Variants in RASAL2 observed in about 807,000 individuals in gnomAD.
RASAL2 encodes ras GTPase-activating protein nGAP.
RASAL2 carries 58 observed loss-of-function variants against 128.9 expected under a neutral mutation model. The observed-to-expected ratio is 0.45, with a 90% CI of 0.36 to 0.56. The LOEUF is 0.56. Among genes scored for constraint, RASAL2 ranks in the 20% least tolerant of loss-of-function variants. The pLI is 0.00. For missense variants in RASAL2, 1,360 were observed against 1,601.6 expected, an observed-to-expected ratio of 0.85 and a Z score of 2.57; for synonymous variants, 561 against 580.8, an observed-to-expected ratio of 0.97 and a Z score of 0.49.
At chr1:178,257,423 ATGTGTGTG>A (rs71108037) in intron 1 of RASAL2, among the ~76,000 whole-genome samples, 9 of 147,150 alleles carry the variant, frequency 6.1e-5, no homozygotes, top group African/African-American at 1.5e-4. Flanking sequence ...GCTCAGGGAT[ATGTGTGTG>A]TGTGTGTGTG....
At chr1:178,433,261 A>G (rs1676041150) in intron 5 of RASAL2, among the ~76,000 whole-genome samples, 1 of 152,086 alleles carries the variant, frequency 6.6e-6, no homozygotes, top group Non-Finnish European at 1.5e-5. Flanking sequence ...CCCCATGAAG[A>G]TGGTTACAAC....
intron 3 of RASAL2, among the ~76,000 whole-genome samples, chr1:178,357,779 T>G (rs549777849): frequency 6.6e-6 from 1 of 152,322 alleles, no homozygotes; most frequent in African/African-American, 2.4e-5. Context: ...TTGAACTTTT[T>G]CCATGTAAAT....
intron 1 of RASAL2, among the ~76,000 whole-genome samples, chr1:178,119,822 A>C (rs1277676192): frequency 6.6e-6 from 1 of 152,174 alleles, no homozygotes; most frequent in East Asian, 1.9e-4. Flanking sequence ...ATTGTGCCTC[A>C]GGATCCTCTG....
rs575274325 is a variant in RASAL2, at chr1:178,306,250, G to C, written c.457+6132G>C. Among the ~76,000 whole-genome samples the C allele has an allele frequency of 6.6e-3, 1,002 of 152,230 alleles. 5 individuals are homozygous for C. The highest frequency in any genetic ancestry group is 0.01 in the Non-Finnish European group (706 of 68,014). On this transcript the variant is annotated intron_variant, in intron 3 of 17. Transcript: ENST00000367649. ...ACTTATCATTTTTTATGGCTGCATA[G>C]TATTCCATGGTGTATATGTGCCACA... is the stretch of plus-strand genomic sequence containing the variant.
chr1:178,169,320 G>A (rs914618862), intron 1 of RASAL2, among the ~76,000 whole-genome samples: 2 of 152,022 alleles, frequency 1.3e-5, no homozygotes, highest in Non-Finnish European at 2.9e-5. Context: ...GATCTTTGGC[G>A]ACACTTCGTA....
intron 3 of RASAL2, among the ~76,000 whole-genome samples, chr1:178,376,001 AAG>A (rs1450715230): frequency 2.0e-5 from 3 of 152,126 alleles, no homozygotes; most frequent in Non-Finnish European, 2.9e-5. Context: ...GTCAAGAAAA[AAG>A]AGAGGGCAGC....
chr1:178,456,560 T>C lies in RASAL2; in HGVS notation c.2212-161T>C, dbSNP rs1353740586. The C allele has an allele frequency of 9.3e-6, 7 of 754,506 alleles. No homozygotes were observed. The Admixed American group carries it at 1.3e-4, about 14-fold the overall frequency. 46.7% of individuals were successfully genotyped at this position (754,506 alleles called of 1,614,324 possible). ...CATCTCGACGCCATGGTTCTGCTGCTCCATAACAATGCATTATGAACCTGC... is the reference window on the plus strand; with the variant it reads ...CATCTCGACGCCATGGTTCTGCTGCCCCATAACAATGCATTATGAACCTGC... On this transcript the variant is annotated intron_variant, in intron 12 of 17. Transcript: ENST00000367649.
At chr1:178,240,002 T>C (rs1435014540) in intron 1 of RASAL2, among the ~76,000 whole-genome samples, 1 of 152,082 alleles carries the variant, frequency 6.6e-6, no homozygotes, top group Non-Finnish European at 1.5e-5. Context: ...TCCCTTAGCC[T>C]ATAATAAAAC....
chr1:178,431,361 TAAAG>T (rs1314493076), intron 5 of RASAL2, among the ~76,000 whole-genome samples: 2 of 152,016 alleles, frequency 1.3e-5, no homozygotes, highest in African/African-American at 4.8e-5. Context: ...ATCTCATAAT[TAAAG>T]AAATGCACAC....
intron 1 of RASAL2, among the ~76,000 whole-genome samples, chr1:178,225,792 A>G (rs925357736): frequency 2.6e-5 from 4 of 151,882 alleles, no homozygotes; most frequent in Admixed American, 2.6e-4. Context: ...TCCTGTATAT[A>G]TGTATATGCT....
Position 178,445,554 on chromosome 1 carries a change from C to T in RASAL2, c.1519C>T (p.Arg507Cys), listed in dbSNP as rs772116589. 2 of 1,613,552 alleles carry T rather than the reference C, an allele frequency of 1.2e-6. No homozygotes were observed. Among genetic ancestry groups the T allele is most frequent in the Admixed American group, 1.7e-5 (1 of 59,972 alleles). The change falls in exon 9 of 18, where the codon CGT (arginine) becomes TGT (cysteine). Residue 507 changes from arginine (R) to cysteine (C), a missense_variant. Coordinates refer to ENST00000367649, the MANE Select transcript of RASAL2 (RefSeq NM_170692.4). The stretch of plus-strand genomic sequence containing the variant: ...TGACTTGGTGATGTCTGAGGTGGAT[C>T]GTTGTGGAGAGCATGATGTCTTGAT... ...LTDLVMSEVD[R>C]CGEHDVLIFR...
At chr1:178,188,997 A>C (rs994337075) in intron 1 of RASAL2, among the ~76,000 whole-genome samples, 1 of 152,184 alleles carries the variant, frequency 6.6e-6, no homozygotes, top group Non-Finnish European at 1.5e-5. Flanking sequence ...AGAAGCATTC[A>C]AGATAAAGGC....
intron 3 of RASAL2, among the ~76,000 whole-genome samples, chr1:178,336,520 G>A (rs1669592377): frequency 6.6e-6 from 1 of 151,992 alleles, no homozygotes; most frequent in South Asian, 2.1e-4. Context: ...GAGAAAAATG[G>A]ACTAATGCTT....
chr1:178,179,697 G>T (rs975486711), intron 1 of RASAL2, among the ~76,000 whole-genome samples: 16 of 152,154 alleles, frequency 1.1e-4, no homozygotes, highest in Admixed American at 8.5e-4. Flanking sequence ...AGGACACCTA[G>T]TATATAGAAA....
At chr1:178,287,138 C>G (rs1035413320) in intron 2 of RASAL2, among the ~76,000 whole-genome samples, 1 of 151,756 alleles carries the variant, frequency 6.6e-6, no homozygotes, top group Non-Finnish European at 1.5e-5. Flanking sequence ...CTTGCTTCAT[C>G]ATACACACTT....
intron 1 of RASAL2, among the ~76,000 whole-genome samples, chr1:178,241,518 G>A (rs1049719229): frequency 3.9e-5 from 6 of 152,172 alleles, no homozygotes; most frequent in Non-Finnish European, 7.4e-5. Context: ...GAAATGGAGA[G>A]TCAGTCTGAG....
At chr1:178,143,126 A>C (rs1660594256) in intron 1 of RASAL2, among the ~76,000 whole-genome samples, 1 of 152,050 alleles carries the variant, frequency 6.6e-6, no homozygotes, top group Non-Finnish European at 1.5e-5. Context: ...ACCCACCATT[A>C]AATTTTAATA....
chr1:178,311,883 A>G (rs769759456), intron 3 of RASAL2, among the ~76,000 whole-genome samples: 2 of 152,168 alleles, frequency 1.3e-5, no homozygotes, highest in Non-Finnish European at 2.9e-5. Context: ...GGTAGAGACT[A>G]GGCAGGGAAC....
intron 3 of RASAL2, among the ~76,000 whole-genome samples, chr1:178,387,023 T>G (rs1318209332): frequency 2.0e-5 from 3 of 152,252 alleles, no homozygotes; most frequent in Non-Finnish European, 4.4e-5. Flanking sequence ...TTGCTAATGC[T>G]GCTACCTTGC....
Sources: gnomAD v4.1 joint callset for allele counts (sites outside exome capture counted in the v4.1 genomes callset) on GRCh38, gnomAD v4.1.1 for gene constraint, MANE v1.5 for transcripts, NCBI Gene and HGNC (gene_info 2026-07-23, HGNC 2026-07-21) for gene names.